TMTC3: variants seen among roughly 807,000 people sequenced by gnomAD.
TMTC3 encodes protein O-mannosyl-transferase TMTC3.
In TMTC3, 52 loss-of-function variants were observed where a neutral mutation model predicts 92.2. That is an observed-to-expected ratio of 0.56 (90% CI 0.45 to 0.71). The LOEUF (loss-of-function observed/expected upper bound fraction) is 0.71. TMTC3 is among the 30% of genes least tolerant of loss of function. The pLI, the probability that TMTC3 is intolerant of heterozygous loss-of-function variation, is 0.00. For missense variants in TMTC3, 896 were observed against 1,057.1 expected (o/e 0.85, Z 2.11); for synonymous variants, 339 against 363.3 (o/e 0.93, Z 0.76).
chr12:88,183,224 G>A (rs949684976), intron 10 of TMTC3, among the ~76,000 whole-genome samples: 2 of 152,174 alleles, frequency 1.3e-5, no homozygotes, highest in African/African-American at 4.8e-5. Context: ...CCATGTCAGG[G>A]GGAGGAGAGG....
In TMTC3 at chr12:88,160,670, C is replaced by G. The variant is rs1437376498; in HGVS notation, c.625-9C>G. ...ATTTGTTGCTTAAAACATTTCTTTT[C>G]TTTTTCAGTATACTTTGCCATTACT... On this transcript the variant is annotated splice_polypyrimidine_tract_variant and intron_variant, in intron 5 of 13. Transcript: ENST00000266712. 8.1e-6 allele frequency: 13 copies of G among 1,610,362 alleles called. No individual in the cohort carries two copies. Among genetic ancestry groups the G allele is most frequent in the African/African-American group, 1.3e-5 (1 of 74,740 alleles).
chr12:88,170,022 A>G (rs2041187570), intron 7 of TMTC3, among the ~76,000 whole-genome samples: 1 of 152,114 alleles, frequency 6.6e-6, no homozygotes, highest in Non-Finnish European at 1.5e-5. Context: ...AATGAGAAGT[A>G]AAGCAGATTT....
intron 4 of TMTC3, among the ~76,000 whole-genome samples, chr12:88,159,034 A>G (rs534393524): frequency 5.3e-4 from 80 of 151,228 alleles, no homozygotes; most frequent in African/African-American, 1.7e-3. Context: ...CCTGGGCAAC[A>G]AGAGCGAAAC....
Position 88,154,405 on chromosome 12 carries a change from G to T in TMTC3, c.508+18G>T, listed in dbSNP as rs988790875. On this transcript the variant is annotated intron_variant, in intron 4 of 13. Transcript: ENST00000266712. ...TTCCATAAGTACATGTCTCACATTT[G>T]ATTTTTTTTTAATAGTGCTAAAACT... The T allele has an allele frequency of 1.1e-5, 17 of 1,544,226 alleles. 1 individual carries two copies. The Admixed American group carries it at 2.4e-4, about 22-fold the overall frequency.
intron 10 of TMTC3, 65 bp from the exon 11 acceptor site, chr12:88,188,778 T>G: frequency 1.3e-6 from 1 of 753,604 alleles, no homozygotes; most frequent in South Asian, 1.9e-5. Flanking sequence ...ATTTAATCAT[T>G]TCATTGAGTA....
intron 8 of TMTC3, among the ~76,000 whole-genome samples, chr12:88,174,315 C>T (rs1281568510): frequency 6.6e-6 from 1 of 151,916 alleles, no homozygotes; most frequent in East Asian, 1.9e-4. Context: ...TGTAAAAAGT[C>T]ACGTTTAAAA....
chr12:88,174,443 G>A (rs1321766421), intron 8 of TMTC3, among the ~76,000 whole-genome samples, 164 bp from the exon 9 acceptor site: 6 of 151,860 alleles, frequency 4.0e-5, no homozygotes, highest in African/African-American at 9.7e-5. Flanking sequence ...AATTTTTTTG[G>A]TGTTGTATCC....
chr12:88,159,706 T>A (rs1236525686), intron 4 of TMTC3, among the ~76,000 whole-genome samples: 1 of 152,070 alleles, frequency 6.6e-6, no homozygotes, highest in African/African-American at 2.4e-5. Flanking sequence ...CCCAATACTT[T>A]TAAATTTTAA....
At chr12:88,184,822 C>T (rs1159225429) in intron 10 of TMTC3, among the ~76,000 whole-genome samples, 1 of 152,022 alleles carries the variant, frequency 6.6e-6, no homozygotes, top group South Asian at 2.1e-4. Context: ...TACACACACA[C>T]ATATGCATGC....
chr12:88,150,928 T>A (rs1008541118), intron 2 of TMTC3, among the ~76,000 whole-genome samples: 9 of 152,240 alleles, frequency 5.9e-5, no homozygotes, highest in South Asian at 2.1e-4. Flanking sequence ...CCTCTCAGTG[T>A]TTAGATTATC....
At chr12:88,184,184 C>T (rs370554288) in intron 10 of TMTC3, among the ~76,000 whole-genome samples, 2 of 152,018 alleles carry the variant, frequency 1.3e-5, no homozygotes, top group Admixed American at 6.6e-5. Flanking sequence ...GTGCAGCCCC[C>T]CTAAGCCAGC....
Position 88,160,682 on chromosome 12 carries a change from A to C in TMTC3, c.628A>C (p.Thr210Pro). The C allele has an allele frequency of 1.2e-6, 2 of 1,612,388 alleles. No individual in the cohort carries two copies. The highest frequency in any genetic ancestry group is 1.7e-6 in the Non-Finnish European group (2 of 1,179,378). The change falls in exon 6 of 14, where the codon ACT becomes CCT. Residue 210 changes from threonine to proline, a missense_variant. Coordinates refer to ENST00000266712, the MANE Select transcript of TMTC3 (RefSeq NM_181783.4). ...VYEVFIAQGY[T>P]LPLLCTTAGQ... ...AAACATTTCTTTTCTTTTTCAGTAT[A>C]CTTTGCCATTACTATGTACTACTGC...
intron 12 of TMTC3, among the ~76,000 whole-genome samples, chr12:88,191,704 C>A (rs1004565306): frequency 7.1e-6 from 1 of 141,124 alleles, no homozygotes; most frequent in Non-Finnish European, 1.5e-5. Flanking sequence ...TTTTTTAGTC[C>A]TTTTTCTGTT....
At chr12:88,149,211 ATATTT>A (rs1020576133) in intron 2 of TMTC3, among the ~76,000 whole-genome samples, 2 of 152,152 alleles carry the variant, frequency 1.3e-5, no homozygotes, top group African/African-American at 4.8e-5. Flanking sequence ...CAATAATTTA[ATATTT>A]TATTCATCCA....
At chr12:88,147,332 T>G (rs889749096) in intron 1 of TMTC3, among the ~76,000 whole-genome samples, 3 of 152,150 alleles carry the variant, frequency 2.0e-5, no homozygotes, top group Non-Finnish European at 4.4e-5. Context: ...AGTGAATTGA[T>G]GTTACCAAGC....
rs753000970 is a variant in TMTC3 at position 88,194,822 on chromosome 12, T to TA, written c.1934-9dup. 18 of 1,481,880 alleles carry TA rather than the reference T, an allele frequency of 1.2e-5. No homozygotes were observed. Among genetic ancestry groups the TA allele is most frequent in the Non-Finnish European group, 1.4e-5 (16 of 1,115,210 alleles). The allele number at this position is 1,481,880 out of a possible 1,614,324, so 91.8% of individuals were successfully genotyped here. On this transcript the variant is annotated splice_polypyrimidine_tract_variant and intron_variant, in intron 13 of 13. Coordinates refer to ENST00000266712, the MANE Select transcript of TMTC3 (RefSeq NM_181783.4). ...TTTTATTAACAATATATTTTTTCTT[T>TA]AAAAAAACTTTCTAGGTGAGGTTAA...
rs753432690 is a variant in TMTC3, at chr12:88,195,670, A to G, written c.*21A>G. 2 of 1,552,018 alleles carry G rather than the reference A, an allele frequency of 1.3e-6. No homozygotes were observed. The highest frequency in any genetic ancestry group is 2.5e-5 in the South Asian group (2 of 80,046). On this transcript the variant is annotated 3_prime_UTR_variant, in exon 14 of 14. Transcript: ENST00000266712. ...AATAACATTAATATTTATCGTGACA[A>G]TGGTATCAAAGAACATCAATCCGTA... is the stretch of plus-strand genomic sequence containing the variant.
At position 88,198,602 on chromosome 12, in the gene TMTC3, TTG is replaced by T. The variant is rs963495622; in HGVS notation, c.*2957_*2958del. ...AAATAACGTATTTTGCTTTTCAATT[TTG>T]TGTTTGTTTACTTTTATGTAAAAAT... is the stretch of plus-strand genomic sequence containing the variant. On this transcript the variant is annotated 3_prime_UTR_variant, in exon 14 of 14. Coordinates refer to ENST00000266712, the MANE Select transcript of TMTC3 (RefSeq NM_181783.4). 7.7e-6 allele frequency: 3 copies of T among 391,218 alleles called. No homozygotes were observed. In the Admixed American group the frequency reaches 1.3e-4, roughly 17 times the overall value. 24.2% of individuals were successfully genotyped at this position (391,218 alleles called of 1,614,324 possible).
At chr12:88,189,910 G>T (rs2138438888) in intron 11 of TMTC3, among the ~76,000 whole-genome samples, 1 of 151,638 alleles carries the variant, frequency 6.6e-6, no homozygotes, top group East Asian at 1.9e-4. Flanking sequence ...TTACAGTTAA[G>T]GATTAAAATA....
Sources: allele counts gnomAD v4.1 joint callset (sites outside exome capture counted in the v4.1 genomes callset), GRCh38; gene constraint gnomAD v4.1.1; transcripts MANE v1.5; gene names NCBI Gene and HGNC (gene_info 2026-07-23, HGNC 2026-07-21).